The following ARHGEF28 variants were observed in gnomAD, a reference collection of about 807,000 sequenced individuals.
ARHGEF28 encodes 190 kDa guanine nucleotide exchange factor.
In ARHGEF28, 152 loss-of-function variants were observed where a neutral mutation model predicts 206.6. The observed-to-expected ratio is 0.74, with a 90% confidence interval of 0.64 to 0.84. The LOEUF is 0.84. Ranked by LOEUF, ARHGEF28 falls within the 40% of genes least tolerant of loss-of-function variation. ARHGEF28 has a pLI of 0.00. For synonymous variants in ARHGEF28, 763 were observed against 776.4 expected (o/e 0.98, Z 0.29); for missense variants, 2,028 against 2,073.2 (o/e 0.98, Z 0.42).
chr5:73,790,896 A>G (rs1430117918), intron 7 of ARHGEF28, among the ~76,000 whole-genome samples: 1 of 152,196 alleles, frequency 6.6e-6, no homozygotes, highest in Non-Finnish European at 1.5e-5. Context: ...TACTAAGTGG[A>G]GAGGAAAAGG....
intron 3 of ARHGEF28, among the ~76,000 whole-genome samples, chr5:73,751,367 G>C (rs1041825224): frequency 6.6e-6 from 1 of 152,208 alleles, no homozygotes; most frequent in African/African-American, 2.4e-5. Context: ...CTGAGATCAT[G>C]TCACTGCACT....
At chr5:73,855,331 T>C (rs931471822) in intron 14 of ARHGEF28, among the ~76,000 whole-genome samples, 1 of 152,112 alleles carries the variant, frequency 6.6e-6, no homozygotes, top group Admixed American at 6.6e-5. Flanking sequence ...TTCTACCAGG[T>C]TGGGTGATGG....
rs76059861 is a variant in ARHGEF28, at chr5:73,777,594, A to T, written c.840+898A>T. Among the ~76,000 whole-genome samples the T allele has an allele frequency of 4.1e-3, 618 of 152,338 alleles. 1 individual carries two copies. Among genetic ancestry groups the T allele is most frequent in the African/African-American group, 0.014 (578 of 41,580 alleles). ...CAAAAACATTATGTATCAAACAAAG[A>T]TTATTATTGGCTTACTCCATATAGA... is the stretch of plus-strand genomic sequence containing the variant. On this transcript the variant is annotated intron_variant, in intron 6 of 35. Coordinates refer to ENST00000513042, the MANE Select transcript of ARHGEF28 (RefSeq NM_001177693.2).
At chr5:73,881,084 C>T (rs1247706337) in intron 22 of ARHGEF28, among the ~76,000 whole-genome samples, 3 of 149,112 alleles carry the variant, frequency 2.0e-5, no homozygotes, top group African/African-American at 7.4e-5. Flanking sequence ...CAGTGCCATT[C>T]GTTGAAAAGG....
chr5:73,741,988 A>C (rs979981761), intron 2 of ARHGEF28, among the ~76,000 whole-genome samples: 1 of 152,104 alleles, frequency 6.6e-6, no homozygotes, highest in Admixed American at 6.5e-5. Flanking sequence ...TATCTTTTGA[A>C]GATGTGTTAT....
At chr5:73,873,695 G>A (rs1338903761) in intron 22 of ARHGEF28, among the ~76,000 whole-genome samples, 1 of 152,126 alleles carries the variant, frequency 6.6e-6, no homozygotes, top group Non-Finnish European at 1.5e-5. Flanking sequence ...TTCAGCTGTT[G>A]GTCTGTATGC....
chr5:73,813,714 A>G (rs1387902965), intron 9 of ARHGEF28: 1 of 1,515,452 alleles, frequency 6.6e-7, no homozygotes, highest in African/African-American at 1.4e-5. Context: ...GGGCAAAACC[A>G]GACATCCTAT....
chr5:73,932,781 C>G (rs1253760439), intron 35 of ARHGEF28, among the ~76,000 whole-genome samples: 2 of 135,222 alleles, frequency 1.5e-5, no homozygotes, highest in African/African-American at 2.7e-5. Flanking sequence ...ACTAGTTATA[C>G]TACTTTTATT....
At chr5:73,898,939 A>G (rs1041995300) in intron 30 of ARHGEF28, 12 of 152,214 alleles carry the variant, frequency 7.9e-5, no homozygotes, top group African/African-American at 2.7e-4. Flanking sequence ...TAGAGATCAG[A>G]AGATTAAATT....
intron 31 of ARHGEF28, chr5:73,902,450 C>T (rs1271591169): frequency 6.6e-6 from 1 of 152,136 alleles, no homozygotes. Context: ...TCCAATTCAG[C>T]TACAGGTAGA....
chr5:73,689,587 G>A (rs1747686203), intron 2 of ARHGEF28, among the ~76,000 whole-genome samples: 1 of 152,188 alleles, frequency 6.6e-6, no homozygotes, highest in African/African-American at 2.4e-5. Context: ...TAAGATCAGA[G>A]AAGAAGCAGG....
intron 7 of ARHGEF28, among the ~76,000 whole-genome samples, chr5:73,781,194 G>T (rs887493410): frequency 6.6e-6 from 1 of 152,120 alleles, no homozygotes; most frequent in Non-Finnish European, 1.5e-5. Flanking sequence ...GACACCACTG[G>T]CATTTAGAAT....
chr5:73,645,687 A>G (rs1329802609), intron 1 of ARHGEF28, among the ~76,000 whole-genome samples: 1 of 152,228 alleles, frequency 6.6e-6, no homozygotes, highest in East Asian at 1.9e-4. Flanking sequence ...AGAAAGAACC[A>G]TTTTGAACAA....
intron 10 of ARHGEF28, among the ~76,000 whole-genome samples, chr5:73,835,669 A>G (rs1453289964): frequency 1.8e-4 from 28 of 152,094 alleles, no homozygotes; most frequent in Admixed American, 1.8e-3. Context: ...CAGGAAATGT[A>G]AGTGTTTCCC....
chr5:73,865,823 G>A (rs1580005920), intron 17 of ARHGEF28, 142 bp from the exon 18 acceptor site: 1 of 664,712 alleles, frequency 1.5e-6, no homozygotes. Flanking sequence ...TGCATTTAAT[G>A]TCTTTTGCTT....
intron 1 of ARHGEF28, among the ~76,000 whole-genome samples, chr5:73,670,991 GC>G (rs1275966793): frequency 2.6e-5 from 4 of 151,684 alleles, no homozygotes; most frequent in African/African-American, 9.7e-5. Flanking sequence ...AGCATTCTTA[GC>G]CTTTTTTTTT....
chr5:73,650,898 C>T (rs1234005359), intron 1 of ARHGEF28, among the ~76,000 whole-genome samples: 2 of 152,188 alleles, frequency 1.3e-5, no homozygotes, highest in East Asian at 3.9e-4. Context: ...ATCCACCCAC[C>T]TCAGCCTCCC....
At chr5:73,697,434 C>G (rs939363810) in intron 2 of ARHGEF28, among the ~76,000 whole-genome samples, 1 of 152,094 alleles carries the variant, frequency 6.6e-6, no homozygotes, top group African/African-American at 2.4e-5. Context: ...TCTTATAGAA[C>G]TAGAAGCTGG....
At position 73,730,626 on chromosome 5, in the gene ARHGEF28, C is replaced by G. The variant is rs563974893; in HGVS notation, c.34-19211C>G. On this transcript the variant is annotated intron_variant, in intron 2 of 35. Coordinates refer to ENST00000513042, the MANE Select transcript of ARHGEF28 (RefSeq NM_001177693.2). ...ACAGCTCGCTGCAGCCTCAGCCTTC[C>G]TGGGCTCAGGTGATCCTCCTACCTC... Among the ~76,000 whole-genome samples, 19 of 150,696 alleles carry G rather than the reference C, an allele frequency of 1.3e-4. 1 individual carries two copies. The East Asian group carries it at 3.7e-3, about 29-fold the overall frequency.
Sources: allele counts gnomAD v4.1 joint callset (sites outside exome capture counted in the v4.1 genomes callset), GRCh38; gene constraint gnomAD v4.1.1; transcripts MANE v1.5; gene names NCBI Gene and HGNC (gene_info 2026-07-23, HGNC 2026-07-21).